NEDD9: variants seen among roughly 807,000 people sequenced by gnomAD.
NEDD9 encodes the protein neural precursor cell expressed, developmentally down-regulated 9, also known as enhancer of filamentation 1.
NEDD9 carries 26 observed loss-of-function variants against 76.6 expected under a neutral mutation model. The observed-to-expected ratio is 0.34, with a 90% CI of 0.25 to 0.47. The LOEUF is 0.47. NEDD9 is among the 20% of genes least tolerant of loss of function. NEDD9 has a pLI of 1.00. For synonymous variants in NEDD9, 392 were observed against 414.2 expected, an observed-to-expected ratio of 0.95 and a Z score of 0.65; for missense variants, 937 against 1,058.5, an observed-to-expected ratio of 0.89 and a Z score of 1.59.
At chr6:11,315,614 A>T (rs1368307213) in intron 2 of NEDD9, among the ~76,000 whole-genome samples, 1 of 152,202 alleles carries the variant, frequency 6.6e-6, no homozygotes, top group Non-Finnish European at 1.5e-5. Context: ...ACCAGTTTAA[A>T]TGTTGTTGGT....
At position 11,213,596 on chromosome 6, in the gene NEDD9, T is replaced by C; in HGVS notation, c.144A>G (p.Leu48=). The C allele has an allele frequency of 6.2e-7, 1 of 1,614,168 alleles. No individual in the cohort carries two copies. Among genetic ancestry groups the C allele is most frequent in the Non-Finnish European group, 8.5e-7 (1 of 1,180,024 alleles). ...GGLEGWWLCS[L]HGRQGIVPGN... ...CTGGGACAATGCCTTGCCGACCGTGTAATGAGCACAGCCACCATCCTTCCA... is the reference window on the plus strand; with the variant it reads ...CTGGGACAATGCCTTGCCGACCGTGCAATGAGCACAGCCACCATCCTTCCA... Residue 48 remains leucine, a synonymous_variant, in exon 2 of 7, where the codon TTA becomes TTG. Coordinates refer to ENST00000379446, the MANE Select transcript of NEDD9 (RefSeq NM_006403.4). This position sits in a 1 kb window ranked among gnomAD's most constrained non-coding sequence, Gnocchi z 5.4.
In NEDD9 at chr6:11,190,188, G is replaced by A. The variant is rs932821970; in HGVS notation, c.1681C>T (p.Pro561Ser). 6.2e-7 allele frequency: 1 copy of A among 1,614,236 alleles called. No individual in the cohort carries two copies. Residue 561 changes from proline (P) to serine (S), a missense_variant, in exon 5 of 7, where the codon CCT becomes TCT. By Grantham distance (74) the Pro-to-Ser change is moderately conservative. Transcript: ENST00000379446. This position sits in a 1 kb window ranked among gnomAD's most constrained non-coding sequence, Gnocchi z 5.8. Reference protein sequence around the residue: ...TNAEALFRPGPGSLHLKNGPE... With the variant: ...TNAEALFRPGSGSLHLKNGPE... ...CCATTCTTCAGATGCAAGCTGCCAG[G>A]GCCGGGTCTGAAGAGGGCCTCTGCG...
At chr6:11,309,791 C>A (rs1761310153) in intron 2 of NEDD9, among the ~76,000 whole-genome samples, 1 of 151,990 alleles carries the variant, frequency 6.6e-6, no homozygotes, top group East Asian at 1.9e-4. Context: ...CTTGGAGTTT[C>A]AAGTTGACTG....
chr6:11,276,437 T>G (rs1203158792), intron 3 of NEDD9, among the ~76,000 whole-genome samples: 1 of 152,342 alleles, frequency 6.6e-6, no homozygotes, highest in African/African-American at 2.4e-5. Context: ...GCACACATGC[T>G]GAGTCTTCTC....
intron 3 of NEDD9, among the ~76,000 whole-genome samples, chr6:11,281,509 C>T (rs11966661): frequency 0.017 from 2,649 of 152,222 alleles, 74 homozygotes; most frequent in African/African-American, 0.059. Flanking sequence ...AGCAGTCCCC[C>T]CGTTTTTTCT....
chr6:11,225,829 C>G (rs72827143), intron 1 of NEDD9, among the ~76,000 whole-genome samples: 2,185 of 137,992 alleles, frequency 0.016, 23 homozygotes, highest in Non-Finnish European at 0.026. Flanking sequence ...TAAAGAATAA[C>G]TGGGATTTAA....
At chr6:11,313,571 AATAG>A (rs200912634) in intron 2 of NEDD9, among the ~76,000 whole-genome samples, 1,689 of 147,968 alleles carry the variant, frequency 0.011, 20 homozygotes, top group South Asian at 0.034. Flanking sequence ...TGGATAGATG[AATAG>A]ATGGATGGGT....
At chr6:11,188,826 C>A (rs187249362) in intron 5 of NEDD9, among the ~76,000 whole-genome samples, 1 of 152,154 alleles carries the variant, frequency 6.6e-6, no homozygotes, top group Non-Finnish European at 1.5e-5. Context: ...CACTTTCTTG[C>A]GCTTGAGGGA....
intron 2 of NEDD9, among the ~76,000 whole-genome samples, chr6:11,318,633 A>G (rs866623936): frequency 7.2e-5 from 11 of 152,186 alleles, no homozygotes; most frequent in South Asian, 6.2e-4. Flanking sequence ...TGAACCCTCA[A>G]TAAGATTACT....
chr6:11,356,240 T>C (rs1485540229), intron 1 of NEDD9, among the ~76,000 whole-genome samples: 1 of 152,148 alleles, frequency 6.6e-6, no homozygotes, highest in East Asian at 1.9e-4. Context: ...AAATGGCTCT[T>C]ATAGACCACT....
chr6:11,217,945 C>T (rs910480763), intron 1 of NEDD9, among the ~76,000 whole-genome samples: 1 of 152,230 alleles, frequency 6.6e-6, no homozygotes, highest in Non-Finnish European at 1.5e-5. Flanking sequence ...CTTCTCTTGA[C>T]CACTCTCATC....
rs116761082 is a variant in NEDD9, at chr6:11,231,141, T to G, written c.12+1363A>C. On this transcript the variant is annotated intron_variant, in intron 1 of 6. Transcript: ENST00000379446. The stretch of plus-strand genomic sequence containing the variant: ...GTGAGCCACTTTAAGGAAGATAACT[T>G]TCCTGCCAAGTAGAGGGATTTGTTT... Among the ~76,000 whole-genome samples the G allele has an allele frequency of 1.6e-3, 239 of 152,328 alleles. 2 individuals carry two copies. Among genetic ancestry groups the G allele is most frequent in the African/African-American group, 5.5e-3 (227 of 41,564 alleles).
chr6:11,339,908 G>A (rs1762240150), intron 1 of NEDD9, among the ~76,000 whole-genome samples: 1 of 152,172 alleles, frequency 6.6e-6, no homozygotes, highest in African/African-American at 2.4e-5. Flanking sequence ...TCAGCTGTAC[G>A]GTAATGATAT....
intron 3 of NEDD9, among the ~76,000 whole-genome samples, chr6:11,277,186 T>C (rs1442627690): frequency 6.6e-6 from 1 of 152,248 alleles, no homozygotes; most frequent in Admixed American, 6.5e-5. Context: ...GCAATGTCTC[T>C]TGTCCTTACA....
chr6:11,240,060 A>G (rs9368623), intron 3 of NEDD9, among the ~76,000 whole-genome samples: 35,063 of 149,262 alleles, frequency 0.23, 4,631 homozygotes, highest in East Asian at 0.54. Context: ...AAAAAAAAAA[A>G]AAAGAAATTT....
At chr6:11,195,124 A>G (rs532116260) in intron 2 of NEDD9, among the ~76,000 whole-genome samples, 1 of 152,302 alleles carries the variant, frequency 6.6e-6, no homozygotes, top group East Asian at 1.9e-4. Flanking sequence ...CTTATGCTGA[A>G]ATGGGTGGAA....
At position 11,241,244 on chromosome 6, in the gene NEDD9, G is replaced by C. The variant is rs1024998643; in HGVS notation, c.13-27517C>G. 6.6e-6 allele frequency among the ~76,000 whole-genome samples: 1 copy of C among 152,114 alleles called. No homozygotes were observed. Among genetic ancestry groups the C allele is most frequent in the African/African-American group, 2.4e-5 (1 of 41,398 alleles). ...ACCTATTAAATGAAGGGGAGCAAAGGCATCAGGTCTTCTTCTTGCTAACCT... is the reference window on the plus strand; with the variant it reads ...ACCTATTAAATGAAGGGGAGCAAAGCCATCAGGTCTTCTTCTTGCTAACCT... On this transcript the variant is annotated intron_variant, in intron 3 of 3. Coordinates refer to the NEDD9 transcript ENST00000397378. The surrounding 1 kb of genome is among the most constrained non-coding windows in gnomAD (Gnocchi z 4.0).
intron 1 of NEDD9, among the ~76,000 whole-genome samples, chr6:11,375,375 T>C (rs542155458): frequency 6.6e-6 from 1 of 152,260 alleles, no homozygotes; most frequent in South Asian, 2.1e-4. Flanking sequence ...TGCATATATG[T>C]CTATGCATAC....
At chr6:11,239,750 T>A (rs959272357) in intron 3 of NEDD9, among the ~76,000 whole-genome samples, 2 of 151,724 alleles carry the variant, frequency 1.3e-5, no homozygotes, top group Non-Finnish European at 2.9e-5. Context: ...AAGTTCGTAT[T>A]AAAAAAAATA....
Sources: allele counts gnomAD v4.1 joint callset (sites outside exome capture counted in the v4.1 genomes callset), GRCh38; gene constraint gnomAD v4.1.1; non-coding constraint Gnocchi (gnomAD v3.1); transcripts MANE v1.5; gene names NCBI Gene and HGNC (gene_info 2026-07-23, HGNC 2026-07-21).